TBC1D5: variants seen among roughly 807,000 people sequenced by gnomAD.
TBC1D5 encodes TBC1 domain family, member 5.
Under a neutral mutation model 100.3 loss-of-function variants are expected in TBC1D5, and 75 were observed. That is an observed-to-expected ratio of 0.75 (90% CI 0.62 to 0.91). The LOEUF (loss-of-function observed/expected upper bound fraction) is 0.91. Ranked by LOEUF, TBC1D5 falls within the 40% of genes least tolerant of loss-of-function variation. TBC1D5 has a pLI of 0.00. For synonymous variants in TBC1D5, 323 were observed against 325.6 expected, an observed-to-expected ratio of 0.99 and a Z score of 0.09; for missense variants, 910 against 942.4, an observed-to-expected ratio of 0.97 and a Z score of 0.45.
At chr3:17,637,571 A>G (rs1466762118) in intron 1 of TBC1D5, among the ~76,000 whole-genome samples, 4 of 152,096 alleles carry the variant, frequency 2.6e-5, no homozygotes, top group Non-Finnish European at 4.4e-5. Flanking sequence ...CTTTCTACAC[A>G]CTAATACAAA....
intron 9 of TBC1D5, among the ~76,000 whole-genome samples, chr3:17,383,356 T>C (rs930406702): frequency 6.6e-6 from 1 of 151,818 alleles, no homozygotes; most frequent in South Asian, 2.1e-4. Flanking sequence ...TGTAAATATA[T>C]CTGTATATAT....
chr3:17,176,967 AGCCACTGGGG>A (rs1457036769), intron 19 of TBC1D5, among the ~76,000 whole-genome samples: 3 of 152,344 alleles, frequency 2.0e-5, no homozygotes, highest in African/African-American at 7.2e-5. Context: ...ACGCCAAGGC[AGCCACTGGGG>A]GCCACTGTGG....
chr3:17,710,253 C>G (rs1464399632), intron 1 of TBC1D5, among the ~76,000 whole-genome samples: 1 of 152,076 alleles, frequency 6.6e-6, no homozygotes, highest in African/African-American at 2.4e-5. Flanking sequence ...AAGAAAGACA[C>G]AGATTAATCT....
intron 1 of TBC1D5, among the ~76,000 whole-genome samples, chr3:17,709,182 T>C (rs1463770422): frequency 6.6e-6 from 1 of 152,228 alleles, no homozygotes; most frequent in African/African-American, 2.4e-5. Flanking sequence ...CAAAGAGTTT[T>C]AAATAACTCG....
At chr3:17,646,266 G>A (rs1307525114) in intron 1 of TBC1D5, among the ~76,000 whole-genome samples, 1 of 152,074 alleles carries the variant, frequency 6.6e-6, no homozygotes, top group African/African-American at 2.4e-5. Flanking sequence ...AATCAGAAAG[G>A]ATTCTCCCCT....
intron 2 of TBC1D5, among the ~76,000 whole-genome samples, chr3:17,524,998 C>G (rs1396505484): frequency 6.6e-6 from 1 of 150,664 alleles, no homozygotes; most frequent in East Asian, 1.9e-4. Flanking sequence ...CCTGTATGAC[C>G]CCATTATTTT....
At chr3:17,330,596 C>T (rs2086745841) in intron 13 of TBC1D5, among the ~76,000 whole-genome samples, 1 of 152,112 alleles carries the variant, frequency 6.6e-6, no homozygotes, top group Admixed American at 6.6e-5. Flanking sequence ...ATCATCTCAC[C>T]TAGAAAATTA....
chr3:17,610,382 T>C (rs1452124233), intron 2 of TBC1D5, among the ~76,000 whole-genome samples: 1 of 152,150 alleles, frequency 6.6e-6, no homozygotes, highest in Non-Finnish European at 1.5e-5. Flanking sequence ...AAACAGGGTT[T>C]CACCATGCTG....
At chr3:17,171,631 C>T (rs1474155970) in intron 19 of TBC1D5, among the ~76,000 whole-genome samples, 2 of 152,034 alleles carry the variant, frequency 1.3e-5, no homozygotes, top group Non-Finnish European at 1.5e-5. Context: ...CGAAATTCCC[C>T]TCTTCTTATA....
chr3:17,323,495 A>C (rs1420667732), intron 13 of TBC1D5, among the ~76,000 whole-genome samples: 1 of 152,058 alleles, frequency 6.6e-6, no homozygotes, highest in Non-Finnish European at 1.5e-5. Context: ...AACACTATTT[A>C]AACTAGTGAG....
At chr3:17,706,370 C>G (rs894222174) in intron 1 of TBC1D5, 62 of 1,163,002 alleles carry the variant, frequency 5.3e-5, no homozygotes, top group Non-Finnish European at 6.9e-5. Context: ...GAAAGCTAAT[C>G]TAATAAATTC....
intron 13 of TBC1D5, among the ~76,000 whole-genome samples, chr3:17,309,448 C>A (rs1410751546): frequency 6.6e-6 from 1 of 151,898 alleles, no homozygotes; most frequent in Non-Finnish European, 1.5e-5. Flanking sequence ...AATGTTACAG[C>A]ATCTTTTATA....
chr3:17,680,230 AT>A (rs2069262870), intron 1 of TBC1D5, among the ~76,000 whole-genome samples: 1 of 149,080 alleles, frequency 6.7e-6, no homozygotes, highest in South Asian at 2.1e-4. Flanking sequence ...ATATATGTAT[AT>A]TCGCTTTTTT....
chr3:17,646,999 A>C (rs1243988420), intron 1 of TBC1D5: 2 of 152,224 alleles, frequency 1.3e-5, no homozygotes, highest in Middle Eastern at 6.8e-3. Context: ...AACATGCAGT[A>C]TTTTGTCCAA....
At chr3:17,473,090 T>A (rs1264770835) in intron 3 of TBC1D5, among the ~76,000 whole-genome samples, 1 of 152,170 alleles carries the variant, frequency 6.6e-6, no homozygotes, top group Non-Finnish European at 1.5e-5. Flanking sequence ...ATAAATCAAC[T>A]AACACATTGG....
At chr3:17,670,492 T>C (rs1451043568) in intron 1 of TBC1D5, among the ~76,000 whole-genome samples, 1 of 152,040 alleles carries the variant, frequency 6.6e-6, no homozygotes, top group East Asian at 1.9e-4. Context: ...TCAGGAACAG[T>C]GGAAAGGGGG....
chr3:17,606,503 T>A (rs1006280937), intron 2 of TBC1D5, among the ~76,000 whole-genome samples: 2 of 152,062 alleles, frequency 1.3e-5, no homozygotes, highest in African/African-American at 4.8e-5. Flanking sequence ...CTGTAATATA[T>A]ATAAAGCAAG....
At chr3:17,579,964 G>A (rs1361502813) in intron 2 of TBC1D5, among the ~76,000 whole-genome samples, 3 of 152,020 alleles carry the variant, frequency 2.0e-5, no homozygotes, top group Admixed American at 6.6e-5. Context: ...AGTGTGCTCC[G>A]GGGCTGATGT....
intron 14 of TBC1D5, among the ~76,000 whole-genome samples, chr3:17,302,969 G>A (rs1033482665): frequency 2.6e-5 from 4 of 152,214 alleles, no homozygotes; most frequent in Non-Finnish European, 4.4e-5. Context: ...CTTGACACCA[G>A]TGATTTATTT....
Sources: allele counts gnomAD v4.1 joint callset (sites outside exome capture counted in the v4.1 genomes callset), GRCh38; gene constraint gnomAD v4.1.1; transcripts MANE v1.5; gene names NCBI Gene and HGNC (gene_info 2026-07-23, HGNC 2026-07-21).